Variants in APOO observed in about 807,000 individuals in gnomAD.
APOO encodes the protein apolipoprotein O.
Under a neutral mutation model 23.1 loss-of-function variants are expected in APOO, and 11 were observed. The ratio of observed to expected loss-of-function variants is 0.48; its 90% CI spans 0.30 to 0.79. The LOEUF is 0.79. Among genes scored for constraint, APOO ranks in the 30% least tolerant of loss-of-function variants. APOO has a pLI of 0.07. For synonymous variants in APOO, 59 were observed against 54.8 expected (o/e 1.08, Z -0.34); for missense variants, 160 against 142.7 (o/e 1.12, Z -0.62).
intron 5 of APOO, among the ~76,000 whole-genome samples, chrX:23,867,200 T>C (rs996187103): frequency 2.7e-5 from 3 of 111,855 alleles, no homozygotes; most frequent in Admixed American, 9.6e-5. Context: ...ATTTTTTAAA[T>C]TGGAGGAATA....
At chrX:23,867,313 T>A (rs1445624688) in intron 5 of APOO, among the ~76,000 whole-genome samples, 7 of 110,810 alleles carry the variant, frequency 6.3e-5, no homozygotes, top group Non-Finnish European at 1.1e-4. Flanking sequence ...CCCTCATGAA[T>A]GGCTTGGTGC....
Position 23,904,131 on chromosome X carries a change from T to C in APOO, c.9+3563A>G, listed in dbSNP as rs188967544. ...TAACTAACTCATATCTCATCTAGCTTATATCTCCGTCATGGACATTGTTGG... is the reference window on the plus strand; with the variant it reads ...TAACTAACTCATATCTCATCTAGCTCATATCTCCGTCATGGACATTGTTGG... On this transcript the variant is annotated intron_variant, in intron 1 of 8. Transcript: ENST00000379226. Among the ~76,000 whole-genome samples, 259 of 111,832 alleles carry C rather than the reference T, an allele frequency of 2.3e-3. 1 individual carries two copies. Among genetic ancestry groups the C allele is most frequent in the African/African-American group, 7.9e-3 (243 of 30,818 alleles).
Position 23,847,139 on chromosome X carries a change from C to T in APOO, c.562-6762G>A, listed in dbSNP as rs767159845. On this transcript the variant is annotated intron_variant, in intron 7 of 8. Transcript: ENST00000379226. ...CCACGATGGGAAATTCTGGGAACAT[C>T]TTCACATGCTAGATAGTGAGGTAAC... is the stretch of plus-strand genomic sequence containing the variant. Among the ~76,000 whole-genome samples the T allele has an allele frequency of 9.0e-5, 10 of 111,168 alleles. No homozygotes were observed. In the East Asian group the frequency reaches 2.6e-3, roughly 29 times the overall value.
intron 1 of APOO, among the ~76,000 whole-genome samples, chrX:23,889,950 C>T (rs755149249): frequency 3.3e-4 from 36 of 110,568 alleles, no homozygotes; most frequent in Non-Finnish European, 4.4e-4. Context: ...CGTCAGCCAC[C>T]GCGCCTGGCC....
At chrX:23,907,626 G>A in intron 1 of APOO, 68 bp downstream of exon 1, 1 of 1,108,359 alleles carries the variant, frequency 9.0e-7, no homozygotes, top group Non-Finnish European at 1.2e-6. Flanking sequence ...GGCCCCAAGA[G>A]AGCGCGGGGA....
chrX:23,906,787 A>G (rs1463405379), intron 1 of APOO, among the ~76,000 whole-genome samples: 4 of 112,465 alleles, frequency 3.6e-5, no homozygotes, highest in Non-Finnish European at 7.5e-5. Flanking sequence ...AGATAGGCAC[A>G]GTGACTTGCC....
chrX:23,837,387 G>T, intron 8 of APOO: 1 of 698,411 alleles, frequency 1.4e-6, no homozygotes, highest in Non-Finnish European at 2.1e-6. Flanking sequence ...ACAATTATAT[G>T]CCTTCAGTAA....
At chrX:23,868,518 T>C in intron 5 of APOO, 75 bp downstream of exon 5, 1 of 871,483 alleles carries the variant, frequency 1.1e-6, no homozygotes, top group African/African-American at 2.0e-5. Context: ...ACCTGGTAAA[T>C]GAAGGGAAAG....
intron 1 of APOO, among the ~76,000 whole-genome samples, chrX:23,881,312 T>C (rs1032587517): frequency 3.7e-5 from 4 of 109,085 alleles, no homozygotes; most frequent in Admixed American, 1.0e-4. Context: ...CGACTTCAGG[T>C]AATTCGCCCG....
chrX:23,880,994 C>A, intron 1 of APOO, 42 bp from the exon 2 acceptor site: 1 of 955,290 alleles, frequency 1.0e-6, no homozygotes, highest in Non-Finnish European at 1.4e-6. Context: ...ATGTTACAGA[C>A]CGAATGTGCA....
intron 3 of APOO, among the ~76,000 whole-genome samples, chrX:23,878,073 T>C (rs1925939220): frequency 1.8e-5 from 2 of 112,158 alleles, no homozygotes; most frequent in Non-Finnish European, 3.8e-5. Flanking sequence ...CTAGAACAAA[T>C]AGTTCAGTAA....
intron 1 of APOO, among the ~76,000 whole-genome samples, chrX:23,897,001 T>C (rs1418061331): frequency 1.8e-5 from 2 of 111,414 alleles, no homozygotes; most frequent in Non-Finnish European, 3.8e-5. Flanking sequence ...CATAGAACTA[T>C]TTTATGAGAA....
chrX:23,835,002 C>T (rs748653520), intron 8 of APOO, among the ~76,000 whole-genome samples: 8 of 104,386 alleles, frequency 7.7e-5, no homozygotes, highest in Non-Finnish European at 1.6e-4. Context: ...GGATTACAGC[C>T]GTGAGCCACC....
chrX:23,864,053 T>C (rs1323776463), intron 5 of APOO, among the ~76,000 whole-genome samples: 1 of 107,320 alleles, frequency 9.3e-6, no homozygotes, highest in Non-Finnish European at 1.9e-5. Context: ...TGGAGTGCAA[T>C]GGTGCAATCT....
intron 1 of APOO, among the ~76,000 whole-genome samples, chrX:23,898,279 TG>T (rs1366621160): frequency 4.6e-5 from 5 of 109,126 alleles, no homozygotes; most frequent in Non-Finnish European, 7.6e-5. Flanking sequence ...TTGCATTTTT[TG>T]TAGAGACGGG....
chrX:23,881,243 T>C (rs1196072207), intron 1 of APOO, among the ~76,000 whole-genome samples: 1 of 109,214 alleles, frequency 9.2e-6, no homozygotes, highest in Non-Finnish European at 1.9e-5. Flanking sequence ...CCCGGCTAAT[T>C]TTTGTATTTT....
intron 2 of APOO, among the ~76,000 whole-genome samples, chrX:23,879,367 T>C (rs1167865441): frequency 9.0e-6 from 1 of 110,924 alleles, no homozygotes; most frequent in Non-Finnish European, 1.9e-5. Context: ...ACCTGGGAGG[T>C]GGAGGTAGCA....
intron 1 of APOO, among the ~76,000 whole-genome samples, chrX:23,903,503 T>G (rs780670045): frequency 2.7e-4 from 30 of 111,916 alleles, no homozygotes; most frequent in Admixed American, 2.7e-3. Context: ...AACATCACCA[T>G]TTTATGACAA....
intron 4 of APOO, among the ~76,000 whole-genome samples, chrX:23,870,875 G>A (rs750563999): frequency 9.0e-6 from 1 of 111,085 alleles, no homozygotes; most frequent in East Asian, 2.8e-4. Flanking sequence ...CAGATCACAA[G>A]GTCAGGAATT....
Sources: allele counts gnomAD v4.1 joint callset (sites outside exome capture counted in the v4.1 genomes callset), GRCh38; gene constraint gnomAD v4.1.1; transcripts MANE v1.5; gene names NCBI Gene and HGNC (gene_info 2026-07-23, HGNC 2026-07-21).